MMP15: variants seen among roughly 807,000 people sequenced by gnomAD.
The protein encoded by MMP15 is matrix metallopeptidase 15, also known as matrix metalloproteinase-15.
Under a neutral mutation model 65.0 loss-of-function variants are expected in MMP15, and 36 were observed. That is an observed-to-expected ratio of 0.55 (90% CI 0.42 to 0.73). The LOEUF (loss-of-function observed/expected upper bound fraction) is 0.73. Among genes scored for constraint, MMP15 ranks in the 30% least tolerant of loss-of-function variants. The probability of loss-of-function intolerance (pLI) is 0.00; values close to 1 mark genes in which losing one functional copy is unlikely to be tolerated. For missense variants in MMP15, 870 were observed against 987.8 expected (o/e 0.88, Z 1.60); for synonymous variants, 428 against 410.2 (o/e 1.04, Z -0.52).
rs1456537574 is a variant in MMP15, at chr16:58,041,595, C to A, written c.911-22C>A. 8 of 1,563,896 alleles carry A rather than the reference C, an allele frequency of 5.1e-6. No individual in the cohort carries two copies. In the East Asian group the frequency reaches 1.7e-4, roughly 33 times the overall value. On this transcript the variant is annotated intron_variant, in intron 5 of 9. Transcript: ENST00000219271. Reference sequence around the variant, plus strand: ...CTGAGTAGGAACACAGACCTCACTTCTGAACCCCTGCCTCTCTGCAGGTAC... The same window carrying A: ...CTGAGTAGGAACACAGACCTCACTTATGAACCCCTGCCTCTCTGCAGGTAC...
intron 1 of MMP15, among the ~76,000 whole-genome samples, chr16:58,034,657 C>T (rs1464755894): frequency 6.6e-6 from 1 of 152,232 alleles, no homozygotes. Flanking sequence ...TCCCCAATCA[C>T]TGCCCAAGGG....
intron 3 of MMP15, among the ~76,000 whole-genome samples, chr16:58,039,016 G>A (rs1025132220): frequency 3.3e-5 from 5 of 152,198 alleles, no homozygotes; most frequent in African/African-American, 1.2e-4. Context: ...ATTTATATAG[G>A]TAAGAGCAGG....
At chr16:58,031,909 C>T (rs2097784423) in intron 1 of MMP15, among the ~76,000 whole-genome samples, 2 of 130,248 alleles carry the variant, frequency 1.5e-5, no homozygotes, top group Admixed American at 8.8e-5. Context: ...CTCTTGTGGC[C>T]CAGGCTGGAG....
intron 9 of MMP15, 124 bp downstream of exon 9, chr16:58,043,751 A>G (rs1353897098): frequency 1.5e-6 from 1 of 679,742 alleles, no homozygotes; most frequent in Non-Finnish European, 2.4e-6. Context: ...AAGCTGTGTC[A>G]CGCTCTGGGC....
intron 1 of MMP15, among the ~76,000 whole-genome samples, chr16:58,032,144 C>T (rs143696872): frequency 7.2e-5 from 11 of 152,310 alleles, no homozygotes; most frequent in African/African-American, 2.4e-4. Context: ...GAATTATAGG[C>T]GTGAGCTGCC....
At position 58,039,996 on chromosome 16, in the gene MMP15, C is replaced by T. The variant is rs148695510; in HGVS notation, c.562C>T (p.Arg188Trp). The T allele has an allele frequency of 1.0e-4, 167 of 1,613,924 alleles. No individual in the cohort carries two copies. The highest frequency in any genetic ancestry group is 1.6e-4 in the African/African-American group (12 of 74,946). The change falls in exon 4 of 10, where the codon CGG (arginine) becomes TGG (tryptophan). Residue 188 changes from arginine (R) to tryptophan (W), a missense_variant. By Grantham distance (101) the Arg-to-Trp change is moderately radical. Coordinates refer to ENST00000219271, the MANE Select transcript of MMP15 (RefSeq NM_002428.4). ...CCAGGAGGTGCCCTATGAGGACATCCGGCTGCGGCGACAGAAGGAGGCCGA... is the reference window on the plus strand; with the variant it reads ...CCAGGAGGTGCCCTATGAGGACATCTGGCTGCGGCGACAGAAGGAGGCCGA... ...VFQEVPYEDI[R>W]LRRQKEADIM...
At chr16:58,037,717 G>C in intron 2 of MMP15, 97 bp downstream of exon 2, 2 of 1,538,616 alleles carry the variant, frequency 1.3e-6, no homozygotes, top group South Asian at 1.2e-5. Context: ...GAAAAGAGTG[G>C]CCTAGATAAG....
chr16:58,045,706 C>T lies in MMP15; in HGVS notation c.*260C>T, dbSNP rs1291135802. ...TCTGCTCCAGACAGGGAATTAGGCC[C>T]CCATCATCCTCTGGCTTGGCCACAG... On this transcript the variant is annotated 3_prime_UTR_variant, in exon 10 of 10. Coordinates refer to ENST00000219271, the MANE Select transcript of MMP15 (RefSeq NM_002428.4). 2 of 486,656 alleles carry T rather than the reference C, an allele frequency of 4.1e-6. No individual in the cohort carries two copies. Among genetic ancestry groups the T allele is most frequent in the African/African-American group, 2.0e-5 (1 of 49,552 alleles). The allele number at this position is 486,656 out of a possible 1,614,324, so 30.1% of individuals were successfully genotyped here.
In MMP15 at chr16:58,041,775, C is replaced by T. The variant is rs774893460; in HGVS notation, c.1069C>T (p.Arg357Ter). 5 of 1,609,354 alleles carry T rather than the reference C, an allele frequency of 3.1e-6. No individual in the cohort carries two copies. Among genetic ancestry groups the T allele is most frequent in the African/African-American group, 1.3e-5 (1 of 74,942 alleles). Residue 357 changes from arginine to a stop codon, truncating the protein, a stop_gained, in exon 6 of 10, where the codon CGA becomes TGA. Coordinates refer to ENST00000219271, the MANE Select transcript of MMP15 (RefSeq NM_002428.4). LOFTEE classifies it high-confidence loss of function. Reference sequence around the variant, plus strand: ...AAAGCCGGGCCCCCCAGTCCAGCCCCGAGCCACAGAGCGGCCCGACCAGTA... The same window carrying T: ...AAAGCCGGGCCCCCCAGTCCAGCCCTGAGCCACAGAGCGGCCCGACCAGTA... ...PPKPGPPVQP[R>*]ATERPDQYGP...
intron 1 of MMP15, among the ~76,000 whole-genome samples, chr16:58,032,201 C>G (rs539693021): frequency 6.6e-6 from 1 of 152,186 alleles, no homozygotes; most frequent in Non-Finnish European, 1.5e-5. Context: ...GGGGTAGTTG[C>G]GCCATCGGCG....
At chr16:58,042,805 C>T (rs1259292821) in intron 7 of MMP15, among the ~76,000 whole-genome samples, 1 of 152,220 alleles carries the variant, frequency 6.6e-6, no homozygotes, top group Non-Finnish European at 1.5e-5. Context: ...GGCAGGAGCT[C>T]CCTGAGGACA....
intron 3 of MMP15, 59 bp from the exon 4 acceptor site, chr16:58,039,816 G>A: frequency 1.3e-6 from 2 of 1,520,980 alleles, no homozygotes; most frequent in Admixed American, 1.9e-5. Context: ...GAACATGCCA[G>A]CAGAGGATAG....
chr16:58,041,196 C>T (rs1366301791), intron 5 of MMP15, among the ~76,000 whole-genome samples: 4 of 152,174 alleles, frequency 2.6e-5, no homozygotes, highest in Admixed American at 2.0e-4. Context: ...CCAAGTCCTG[C>T]ACTCTGTGCC....
rs193197656 is a variant in MMP15, at chr16:58,042,314, C to T, written c.1248C>T (p.Pro416=). Residue 416 remains proline, a synonymous_variant, in exon 7 of 10, where the codon CCC becomes CCT. Coordinates refer to ENST00000219271, the MANE Select transcript of MMP15 (RefSeq NM_002428.4). ...TCGGGCACTTCTGGCGTGGTCTGCC[C>T]GGTGACATCAGTGCTGCCTACGAGC... ...MPIGHFWRGL[P]GDISAAYERQ... is the part of the protein sequence containing the mutation. 1.3e-5 allele frequency: 21 copies of T among 1,614,248 alleles called. No homozygotes were observed. The highest frequency in any genetic ancestry group is 6.7e-5 in the Admixed American group (4 of 60,030).
At chr16:58,027,582 T>C (rs1329091675) in intron 1 of MMP15, among the ~76,000 whole-genome samples, 2 of 152,206 alleles carry the variant, frequency 1.3e-5, no homozygotes, top group African/African-American at 4.8e-5. Flanking sequence ...CGTTTCTATT[T>C]GCAGCTCAGC....
chr16:58,035,719 T>C (rs1015387170), intron 1 of MMP15, among the ~76,000 whole-genome samples: 3 of 152,136 alleles, frequency 2.0e-5, no homozygotes, highest in Admixed American at 2.0e-4. Flanking sequence ...CTGGTGGTGG[T>C]TTCTCAGCTC....
chr16:58,030,038 A>G (rs778165447), intron 1 of MMP15, among the ~76,000 whole-genome samples: 2 of 152,104 alleles, frequency 1.3e-5, no homozygotes, highest in African/African-American at 2.4e-5. Flanking sequence ...GGTGGTCACT[A>G]TGAGAACCAC....
chr16:58,031,373 C>T (rs931012468), intron 1 of MMP15, among the ~76,000 whole-genome samples: 2 of 152,162 alleles, frequency 1.3e-5, no homozygotes. Flanking sequence ...GCTGTGTGAG[C>T]CAAAAGCCCT....
intron 1 of MMP15, among the ~76,000 whole-genome samples, chr16:58,037,271 C>T (rs1177713213): frequency 2.6e-5 from 4 of 152,194 alleles, no homozygotes; most frequent in Admixed American, 6.5e-5. Flanking sequence ...CAGACCTGAC[C>T]TGGCCTTTGT....
Sources: gnomAD v4.1 joint callset for allele counts (sites outside exome capture counted in the v4.1 genomes callset) on GRCh38, gnomAD v4.1.1 for gene constraint, MANE v1.5 for transcripts, NCBI Gene and HGNC (gene_info 2026-07-23, HGNC 2026-07-21) for gene names.